SLC24A2: variants seen among roughly 807,000 people sequenced by gnomAD.
SLC24A2 encodes the protein sodium/potassium/calcium exchanger 2.
Under a neutral mutation model 62.0 loss-of-function variants are expected in SLC24A2, and 36 were observed. The ratio of observed to expected loss-of-function variants is 0.58; its 90% CI spans 0.44 to 0.77. The LOEUF is 0.77. Ranked by LOEUF, SLC24A2 falls within the 30% of genes least tolerant of loss-of-function variation. The pLI, the probability that SLC24A2 is intolerant of heterozygous loss-of-function variation, is 0.00. For synonymous variants in SLC24A2, 358 were observed against 294.0 expected, an observed-to-expected ratio of 1.22 and a Z score of -2.23; for missense variants, 846 against 817.9, an observed-to-expected ratio of 1.03 and a Z score of -0.42.
chr9:19,595,621 A>T (rs1236597283), intron 5 of SLC24A2, among the ~76,000 whole-genome samples: 1 of 152,220 alleles, frequency 6.6e-6, no homozygotes, highest in Admixed American at 6.5e-5. Context: ...TAGAATTTGC[A>T]TCTTCGTCTT....
rs112413256 is a variant in SLC24A2 at position 19,667,837 on chromosome 9, A to T, written c.931-45538T>A. On this transcript the variant is annotated intron_variant, in intron 2 of 10. Transcript: ENST00000341998. Reference sequence around the variant, plus strand: ...ACCGTGCTGCTCCTCTCTGCCTGGAAATGTTTTTCTCTGTCTTGTCACCCT... The same window carrying T: ...ACCGTGCTGCTCCTCTCTGCCTGGATATGTTTTTCTCTGTCTTGTCACCCT... Among the ~76,000 whole-genome samples the T allele has an allele frequency of 2.4e-3, 369 of 152,170 alleles. 3 individuals are homozygous for T. The highest frequency in any genetic ancestry group is 8.6e-3 in the African/African-American group (358 of 41,526).
At chr9:19,756,491 A>G (rs543765428) in intron 2 of SLC24A2, among the ~76,000 whole-genome samples, 3 of 152,324 alleles carry the variant, frequency 2.0e-5, no homozygotes, top group African/African-American at 7.2e-5. Flanking sequence ...TTAATTTTCT[A>G]TTGCTGCTCT....
At chr9:19,517,309 G>A (rs1290281481) in intron 10 of SLC24A2, among the ~76,000 whole-genome samples, 2 of 152,200 alleles carry the variant, frequency 1.3e-5, no homozygotes, top group African/African-American at 2.4e-5. Flanking sequence ...GGTGGCTAAG[G>A]AGATACCTGC....
At chr9:19,956,613 G>C in the SLC24A2 span, among the ~76,000 whole-genome samples, 1 of 152,194 alleles carries the variant, frequency 6.6e-6, no homozygotes, top group South Asian at 2.1e-4. Flanking sequence ...CAGCAGGCAA[G>C]AGAGAGAGCT....
At chr9:19,706,817 T>C (rs1820540553) in intron 2 of SLC24A2, among the ~76,000 whole-genome samples, 1 of 151,898 alleles carries the variant, frequency 6.6e-6, no homozygotes, top group Non-Finnish European at 1.5e-5. Flanking sequence ...AGATCCAAAA[T>C]TGACACCCTA....
At chr9:19,660,180 G>C (rs1020116636) in intron 2 of SLC24A2, among the ~76,000 whole-genome samples, 1 of 152,142 alleles carries the variant, frequency 6.6e-6, no homozygotes, top group Non-Finnish European at 1.5e-5. Flanking sequence ...TCCTGCCCTA[G>C]GGAAGCAGGT....
chr9:19,647,573 G>C (rs1246553428), intron 2 of SLC24A2, among the ~76,000 whole-genome samples: 1 of 152,154 alleles, frequency 6.6e-6, no homozygotes, highest in Non-Finnish European at 1.5e-5. Flanking sequence ...GCAGAAATGG[G>C]ACATTAATGG....
the SLC24A2 span, among the ~76,000 whole-genome samples, chr9:20,195,452 G>A: frequency 8.0e-4 from 121 of 152,078 alleles, no homozygotes; most frequent in African/African-American, 2.2e-3. Flanking sequence ...GGAAATTTTC[G>A]TGTATTTATT....
At chr9:20,098,428 A>C in the SLC24A2 span, among the ~76,000 whole-genome samples, 2 of 152,204 alleles carry the variant, frequency 1.3e-5, no homozygotes, top group Non-Finnish European at 2.9e-5. Context: ...GATACTAAGA[A>C]ATACTTCTAT....
chr9:19,895,549 T>TCTTTC, the SLC24A2 span, among the ~76,000 whole-genome samples: 27 of 142,280 alleles, frequency 1.9e-4, no homozygotes, highest in African/African-American at 2.9e-4. Flanking sequence ...TTTCTTTCTT[T>TCTTTC]TTTTTTTTTT....
intron 2 of SLC24A2, among the ~76,000 whole-genome samples, chr9:19,645,014 T>C (rs1159221204): frequency 6.6e-6 from 1 of 152,176 alleles, no homozygotes; most frequent in African/African-American, 2.4e-5. Context: ...AAATATACAG[T>C]GCTTAAAGGT....
At chr9:19,566,553 G>T (rs1835659723) in intron 7 of SLC24A2, among the ~76,000 whole-genome samples, 1 of 151,978 alleles carries the variant, frequency 6.6e-6, no homozygotes, top group South Asian at 2.1e-4. Flanking sequence ...AGACAGTGTG[G>T]CGATTCCTCA....
At chr9:20,000,535 C>A in the SLC24A2 span, among the ~76,000 whole-genome samples, 1 of 152,156 alleles carries the variant, frequency 6.6e-6, no homozygotes, top group Admixed American at 6.5e-5. Context: ...AACATCAGAA[C>A]ACAAACGGCC....
the SLC24A2 span, among the ~76,000 whole-genome samples, chr9:20,129,899 T>C: frequency 2.0e-5 from 3 of 147,994 alleles, no homozygotes; most frequent in Admixed American, 2.0e-4. Context: ...ATGTAACTAA[T>C]GGTAAATTTT....
the SLC24A2 span, among the ~76,000 whole-genome samples, chr9:20,276,486 T>C: frequency 6.6e-6 from 1 of 152,200 alleles, no homozygotes; most frequent in Non-Finnish European, 1.5e-5. Context: ...CTGGCTGCTT[T>C]CATGGGCTGG....
chr9:20,225,563 T>TATATATTATATATATTTTATATATATATA, the SLC24A2 span, among the ~76,000 whole-genome samples: 1 of 81,142 alleles, frequency 1.2e-5, no homozygotes, highest in African/African-American at 6.6e-5. Context: ...ATATATATTA[T>TATATATTATATATATTTTATATATATATA]ATATATATAT....
At chr9:19,545,473 G>T (rs1210237940) in intron 8 of SLC24A2, among the ~76,000 whole-genome samples, 1 of 151,876 alleles carries the variant, frequency 6.6e-6, no homozygotes, top group Non-Finnish European at 1.5e-5. Context: ...TTCCATTGCT[G>T]GTGAGGAGTT....
chr9:19,656,154 T>G (rs887850971), intron 2 of SLC24A2, among the ~76,000 whole-genome samples: 1 of 152,238 alleles, frequency 6.6e-6, no homozygotes, highest in African/African-American at 2.4e-5. Context: ...GAATGGATCA[T>G]TTCCATAGAG....
chr9:19,706,472 C>T (rs1334263819), intron 2 of SLC24A2, among the ~76,000 whole-genome samples: 4 of 151,606 alleles, frequency 2.6e-5, no homozygotes, highest in South Asian at 2.1e-4. Context: ...CTCCGCCTCC[C>T]GGGTTCACGC....
Sources: gnomAD v4.1 joint callset for allele counts (sites outside exome capture counted in the v4.1 genomes callset) on GRCh38, gnomAD v4.1.1 for gene constraint, MANE v1.5 for transcripts, NCBI Gene and HGNC (gene_info 2026-07-23, HGNC 2026-07-21) for gene names.